ANKRD33B: variants seen among roughly 807,000 people sequenced by gnomAD.
The protein encoded by ANKRD33B is ankyrin repeat domain-containing protein 33B.
Under a neutral mutation model 21.5 loss-of-function variants are expected in ANKRD33B, and 6 were observed. The observed-to-expected ratio is 0.28, with a 90% CI of 0.15 to 0.55. ANKRD33B has a LOEUF of 0.55. Among genes scored for constraint, ANKRD33B ranks in the 20% least tolerant of loss-of-function variants. The pLI is 0.94. For missense variants in ANKRD33B, 698 were observed against 747.2 expected (o/e 0.93, Z 0.77); for synonymous variants, 347 against 342.4 (o/e 1.01, Z -0.15).
chr5:10,650,126 C>G lies in ANKRD33B; in HGVS notation c.*13C>G. On this transcript the variant is annotated 3_prime_UTR_variant, in exon 4 of 4. Coordinates refer to ENST00000296657, the MANE Select transcript of ANKRD33B (RefSeq NM_001164440.2). Reference sequence around the variant, plus strand: ...GAAGAGGACGTGAGGGCCCGTGTGCCTGGCGCTGGGGCCGGGGCTGGGGCC... The same window carrying G: ...GAAGAGGACGTGAGGGCCCGTGTGCGTGGCGCTGGGGCCGGGGCTGGGGCC... The G allele has an allele frequency of 1.4e-6, 2 of 1,478,092 alleles. No homozygotes were observed. Among genetic ancestry groups the G allele is most frequent in the South Asian group, 2.5e-5 (2 of 79,034 alleles). The allele number at this position is 1,478,092 out of a possible 1,614,324, so 91.6% of individuals were successfully genotyped here. A position where few individuals can be genotyped will look rare whatever the true frequency, so the allele number is the denominator to read the frequency against.
intron 1 of ANKRD33B, among the ~76,000 whole-genome samples, chr5:10,595,217 G>T (rs1579723309): frequency 6.6e-6 from 1 of 152,106 alleles, no homozygotes; most frequent in Non-Finnish European, 1.5e-5. Context: ...GAGCGGCCTG[G>T]GGGACATAGG....
intron 1 of ANKRD33B, among the ~76,000 whole-genome samples, chr5:10,580,324 G>A (rs1469381543): frequency 1.3e-5 from 2 of 152,182 alleles, no homozygotes; most frequent in Non-Finnish European, 2.9e-5. Flanking sequence ...TCTCTAGTTG[G>A]TTTGCTGACC....
At chr5:10,621,076 A>G (rs990674830) in intron 2 of ANKRD33B, among the ~76,000 whole-genome samples, 7 of 152,096 alleles carry the variant, frequency 4.6e-5, no homozygotes, top group African/African-American at 1.7e-4. Flanking sequence ...TGTTCTTTTC[A>G]GTGCTGAAGT....
At chr5:10,578,229 G>A (rs1241339534) in intron 1 of ANKRD33B, among the ~76,000 whole-genome samples, 1 of 152,164 alleles carries the variant, frequency 6.6e-6, no homozygotes, top group Non-Finnish European at 1.5e-5. Context: ...TGTATCCTGG[G>A]AAACCCCTCT....
In ANKRD33B at chr5:10,564,160, G is replaced by A. The variant is rs1174607732; in HGVS notation, c.-308G>A. Among the ~76,000 whole-genome samples, 1 of 152,128 alleles carries A rather than the reference G, an allele frequency of 6.6e-6. No individual in the cohort carries two copies. Among genetic ancestry groups the A allele is most frequent in the Non-Finnish European group, 1.5e-5 (1 of 67,986 alleles). ...AGTCCCCGCGCTCGAGAGAGCGCCT[G>A]CCTGGCTCTGAACTCTGGCCAGGAA... On this transcript the variant is annotated 5_prime_UTR_variant, in exon 1 of 4. Transcript: ENST00000296657.
At chr5:10,603,700 G>GT (rs1480851836) in intron 1 of ANKRD33B, among the ~76,000 whole-genome samples, 2 of 151,880 alleles carry the variant, frequency 1.3e-5, no homozygotes, top group African/African-American at 4.8e-5. Context: ...TTTCTCTCTT[G>GT]TTTTTTGTCA....
At chr5:10,582,822 C>T (rs555725048) in intron 1 of ANKRD33B, among the ~76,000 whole-genome samples, 3 of 152,266 alleles carry the variant, frequency 2.0e-5, no homozygotes, top group Admixed American at 6.5e-5. Flanking sequence ...CATCGCAGTT[C>T]GCAACTTGGT....
At chr5:10,624,511 A>C (rs1736500005) in intron 2 of ANKRD33B, among the ~76,000 whole-genome samples, 1 of 150,984 alleles carries the variant, frequency 6.6e-6, no homozygotes, top group African/African-American at 2.4e-5. Context: ...CACTGTGTGC[A>C]CCCACCCTCT....
Position 10,652,619 on chromosome 5 carries a change from C to T in ANKRD33B, c.*2506C>T, listed in dbSNP as rs1412246725. On this transcript the variant is annotated 3_prime_UTR_variant, in exon 4 of 4. Coordinates refer to ENST00000296657, the MANE Select transcript of ANKRD33B (RefSeq NM_001164440.2). This position sits in a 1 kb window ranked among gnomAD's most constrained non-coding sequence, Gnocchi z 4.1. ...AAAAATGGACATTTCTGGTCCTGCC[C>T]AGCTGCTACCTCACCACAACCCATG... 1 of 156,714 alleles carries T rather than the reference C, an allele frequency of 6.4e-6. No individual in the cohort carries two copies. Among genetic ancestry groups the T allele is most frequent in the African/African-American group, 2.4e-5 (1 of 41,598 alleles). 9.7% of individuals were successfully genotyped at this position (156,714 alleles called of 1,614,324 possible). A position where few individuals can be genotyped will look rare whatever the true frequency, so the allele number is the denominator to read the frequency against.
chr5:10,611,204 G>C (rs1239797065), intron 1 of ANKRD33B, among the ~76,000 whole-genome samples: 2 of 152,194 alleles, frequency 1.3e-5, no homozygotes, highest in African/African-American at 4.8e-5. Context: ...AACTTTTTCT[G>C]TAATGTTGAT....
At chr5:10,566,281 G>A (rs1459755483) in intron 1 of ANKRD33B, among the ~76,000 whole-genome samples, 2 of 152,188 alleles carry the variant, frequency 1.3e-5, no homozygotes, top group South Asian at 4.1e-4. Context: ...TCCTCCCCCA[G>A]CCCTGGCGAC....
chr5:10,650,202 A>C lies in ANKRD33B; in HGVS notation c.*89A>C. 1 of 1,327,142 alleles carries C rather than the reference A, an allele frequency of 7.5e-7. No homozygotes were observed. Among genetic ancestry groups the C allele is most frequent in the Non-Finnish European group, 9.8e-7 (1 of 1,022,072 alleles). The allele number at this position is 1,327,142 out of a possible 1,614,324, so 82.2% of individuals were successfully genotyped here. On this transcript the variant is annotated 3_prime_UTR_variant, in exon 4 of 4. Transcript: ENST00000296657. ...GGAGAAGGAGGCGGCCCCGTTGCGCATCGCACCACTTCCGCTCCATGGACC... is the reference window on the plus strand; with the variant it reads ...GGAGAAGGAGGCGGCCCCGTTGCGCCTCGCACCACTTCCGCTCCATGGACC...
chr5:10,642,069 T>C (rs1230019808), intron 3 of ANKRD33B, among the ~76,000 whole-genome samples: 1 of 152,244 alleles, frequency 6.6e-6, no homozygotes, highest in African/African-American at 2.4e-5. Flanking sequence ...TGAACATTTA[T>C]GATGTCAGTC....
In ANKRD33B at chr5:10,604,525, G is replaced by GA. The variant is rs1158199372; in HGVS notation, c.367-13798dup. ...GAACCTTTTTGAAAAAAAAAAAAAAGAAAAAAAAAAGAAAAATATAGCACT... is the reference window on the plus strand; with the variant it reads ...GAACCTTTTTGAAAAAAAAAAAAAAGAAAAAAAAAAAGAAAAATATAGCACT... On this transcript the variant is annotated intron_variant, in intron 1 of 3. Coordinates refer to ENST00000296657, the MANE Select transcript of ANKRD33B (RefSeq NM_001164440.2). Among the ~76,000 whole-genome samples the GA allele has an allele frequency of 3.8e-4, 51 of 133,218 alleles. No homozygotes were observed. In the Middle Eastern group the frequency reaches 0.024, roughly 62 times the overall value. The allele number at this position is 133,218 out of a possible 152,430, so 87.4% of individuals were successfully genotyped here.
chr5:10,566,083 C>T (rs1454543110), intron 1 of ANKRD33B, among the ~76,000 whole-genome samples: 1 of 152,184 alleles, frequency 6.6e-6, no homozygotes, highest in East Asian at 1.9e-4. Flanking sequence ...CCGTGTCCCT[C>T]CCACAACACG....
chr5:10,643,391 G>GA (rs1737109309), intron 3 of ANKRD33B, among the ~76,000 whole-genome samples: 1 of 152,046 alleles, frequency 6.6e-6, no homozygotes, highest in Non-Finnish European at 1.5e-5. Flanking sequence ...CAGGTTGGGG[G>GA]AAAAATTGCT....
intron 2 of ANKRD33B, among the ~76,000 whole-genome samples, chr5:10,636,633 G>T (rs1736873683): frequency 6.6e-6 from 1 of 152,116 alleles, no homozygotes; most frequent in Admixed American, 6.5e-5. Context: ...AAACAAAAAG[G>T]ATGGGAACTG....
rs758213236 is a variant in ANKRD33B, at chr5:10,565,627, TAGAAA to T, written c.366+810_366+814del. ...CCAGATTCAGAGAAAACGAGATGTTTAGAAAAGAAAAGAAAAGAAAGGAAAAGAAA... is the reference window on the plus strand; with the variant it reads ...CCAGATTCAGAGAAAACGAGATGTTTAGAAAAGAAAAGAAAGGAAAAGAAA... On this transcript the variant is annotated intron_variant, in intron 1 of 3. Coordinates refer to ENST00000296657, the MANE Select transcript of ANKRD33B (RefSeq NM_001164440.2). Among the ~76,000 whole-genome samples the T allele has an allele frequency of 2.8e-4, 43 of 152,206 alleles. No individual in the cohort carries two copies. The East Asian group carries it at 6.0e-3, about 21-fold the overall frequency.
chr5:10,633,809 C>A lies in ANKRD33B; in HGVS notation c.497-4219C>A, dbSNP rs78319156. On this transcript the variant is annotated intron_variant, in intron 2 of 3. Coordinates refer to ENST00000296657, the MANE Select transcript of ANKRD33B (RefSeq NM_001164440.2). ...GCCTGATGCTTTTCTTGTGATGAGA[C>A]TGGAGTTATGAGTTTTTGGAGGAAG... 9.7e-3 allele frequency among the ~76,000 whole-genome samples: 1,479 copies of A among 152,240 alleles called. 20 individuals carry two copies. The highest frequency in any genetic ancestry group is 0.033 in the African/African-American group (1,388 of 41,526).
Sources: allele counts gnomAD v4.1 joint callset (sites outside exome capture counted in the v4.1 genomes callset), GRCh38; gene constraint gnomAD v4.1.1; non-coding constraint Gnocchi (gnomAD v3.1); transcripts MANE v1.5; gene names NCBI Gene and HGNC (gene_info 2026-07-23, HGNC 2026-07-21).